MYO1H: variants seen among roughly 807,000 people sequenced by gnomAD.
MYO1H encodes the protein unconventional myosin-Ih.
In MYO1H, 118 loss-of-function variants were observed where a neutral mutation model predicts 149.3. The observed-to-expected ratio is 0.79, with a 90% CI of 0.68 to 0.92. The LOEUF is 0.92. MYO1H is among the 40% of genes least tolerant of loss of function. The pLI is 0.00. For synonymous variants in MYO1H, 447 were observed against 465.2 expected (o/e 0.96, Z 0.50); for missense variants, 1,212 against 1,280.7 (o/e 0.95, Z 0.82).
chr12:109,359,815 A>T (rs1868700486), intron 1 of MYO1H, among the ~76,000 whole-genome samples: 1 of 152,218 alleles, frequency 6.6e-6, no homozygotes, highest in African/African-American at 2.4e-5. Context: ...CCCAAATGGG[A>T]ATCAAAGGGC....
intron 19 of MYO1H, among the ~76,000 whole-genome samples, chr12:109,430,474 CTG>C (rs138379402): frequency 0.012 from 1,772 of 152,272 alleles, 45 homozygotes; most frequent in African/African-American, 0.041. Context: ...GGGCCTGAGG[CTG>C]TGCTGTGTCC....
intron 1 of MYO1H, among the ~76,000 whole-genome samples, chr12:109,355,195 G>C (rs912050332): frequency 6.6e-6 from 1 of 152,048 alleles, no homozygotes; most frequent in Non-Finnish European, 1.5e-5. Flanking sequence ...GTGTTTGGTG[G>C]AGTTTTCTGT....
chr12:109,396,751 T>A lies in MYO1H; in HGVS notation c.489+169T>A, dbSNP rs557751184. Among the ~76,000 whole-genome samples, 79 of 151,710 alleles carry A rather than the reference T, an allele frequency of 5.2e-4. 1 individual carries two copies. Among genetic ancestry groups the A allele is most frequent in the African/African-American group, 1.8e-3 (73 of 41,416 alleles). ...ACCTGGAACTAAGCCCATTTCCCCA[T>A]TTGTTGAATGGGTCTGCTTATAGTA... On this transcript the variant is annotated intron_variant, in intron 4 of 31. Coordinates refer to ENST00000310903, the Ensembl canonical transcript of MYO1H.
At chr12:109,330,419 T>C in the MYO1H span, among the ~76,000 whole-genome samples, 1 of 152,220 alleles carries the variant, frequency 6.6e-6, no homozygotes. Context: ...ACGATGTATA[T>C]CTGAATGTGC....
chr12:109,406,466 TTAAA>T lies in MYO1H; in HGVS notation c.964-322_964-319del, dbSNP rs1318956577. 6.0e-4 allele frequency among the ~76,000 whole-genome samples: 61 copies of T among 101,718 alleles called. 2 individuals are homozygous for T. Among genetic ancestry groups the T allele is most frequent in the African/African-American group, 1.5e-3 (43 of 28,602 alleles). The allele number at this position is 101,718 out of a possible 152,430, so 66.7% of individuals were successfully genotyped here. On this transcript the variant is annotated intron_variant, in intron 8 of 31. Transcript: ENST00000310903. ...GGGCAACATAGTGAGACCCTATCTC[TTAAA>T]AAAAAAAAAAAAAAAAAAAAAAAAA...
chr12:109,418,719 A>AT (rs1017787466), intron 15 of MYO1H, among the ~76,000 whole-genome samples: 1 of 150,986 alleles, frequency 6.6e-6, no homozygotes, highest in African/African-American at 2.4e-5. Flanking sequence ...AGTTTTTTGT[A>AT]TTTTTTAGTA....
chr12:109,446,071 T>C (rs1294056462), intron 31 of MYO1H: 1 of 985,130 alleles, frequency 1.0e-6, no homozygotes, highest in African/African-American at 1.7e-5. Context: ...GAAAGAAATG[T>C]GTAAAAAATA....
chr12:109,424,861 T>C lies in MYO1H; in HGVS notation c.1725+33T>C, dbSNP rs772483948. On this transcript the variant is annotated intron_variant, in intron 17 of 31. Coordinates refer to ENST00000310903, the Ensembl canonical transcript of MYO1H. ...GGAAAAACACCCATGCAAAATTGGATCTCACCAGAGGGTGAGATGACCACC... is the reference window on the plus strand; with the variant it reads ...GGAAAAACACCCATGCAAAATTGGACCTCACCAGAGGGTGAGATGACCACC... 2.5e-6 allele frequency: 4 copies of C among 1,582,360 alleles called. No individual in the cohort carries two copies. In the South Asian group the frequency reaches 3.3e-5, roughly 13 times the overall value.
At chr12:109,431,162 G>A (rs547571346) in intron 19 of MYO1H, among the ~76,000 whole-genome samples, 1 of 151,954 alleles carries the variant, frequency 6.6e-6, no homozygotes, top group African/African-American at 2.4e-5. Flanking sequence ...GGTGGATCAC[G>A]AGGCCAGGAG....
intron 21 of MYO1H, 87 bp from the exon 22 acceptor site, chr12:109,436,401 A>G (rs1592818307): frequency 2.2e-6 from 2 of 900,728 alleles, no homozygotes; most frequent in Middle Eastern, 4.3e-4. Context: ...GCCCCCTTCC[A>G]TCGGCCCCCA....
At chr12:109,313,881 G>T in the MYO1H span, among the ~76,000 whole-genome samples, 1 of 152,012 alleles carries the variant, frequency 6.6e-6, no homozygotes, top group African/African-American at 2.4e-5. Flanking sequence ...TTTCTTTGGA[G>T]TTTTTTGTTT....
chr12:109,427,172 C>T (rs1871383559), intron 18 of MYO1H, among the ~76,000 whole-genome samples: 1 of 151,858 alleles, frequency 6.6e-6, no homozygotes, highest in East Asian at 1.9e-4. Flanking sequence ...AAAAATTAGC[C>T]AGGCATGGTG....
At chr12:109,360,403 G>A (rs140787598) in intron 1 of MYO1H, among the ~76,000 whole-genome samples, 1 of 152,208 alleles carries the variant, frequency 6.6e-6, no homozygotes, top group Non-Finnish European at 1.5e-5. Flanking sequence ...CCAATTAGGC[G>A]ACCACTATAG....
At chr12:109,446,143 C>G (rs1483564516) in intron 31 of MYO1H, 7 of 985,272 alleles carry the variant, frequency 7.1e-6, no homozygotes, top group Non-Finnish European at 7.2e-6. Context: ...ATGTTAATAC[C>G]TTTGGTATAA....
At chr12:109,435,045 T>C (rs1226220999) in exon 21 of MYO1H, 1 of 1,606,884 alleles carries the variant, frequency 6.2e-7, no homozygotes, top group East Asian at 2.2e-5. Context: ...AGAACCAAAA[T>C]ATTCATTCGT....
intron 6 of MYO1H, among the ~76,000 whole-genome samples, chr12:109,402,292 A>AT (rs898531190): frequency 1.6e-4 from 24 of 152,010 alleles, no homozygotes; most frequent in African/African-American, 5.3e-4. Context: ...TAGTCCCAAC[A>AT]TTTTTTTTAT....
At chr12:109,403,497 T>C (rs527647081) in intron 6 of MYO1H, among the ~76,000 whole-genome samples, 1 of 152,354 alleles carries the variant, frequency 6.6e-6, no homozygotes, top group South Asian at 2.1e-4. Context: ...CTTGTGATCA[T>C]TTTCACAAAA....
At chr12:109,444,264 C>G in exon 29 of MYO1H, 1 of 1,613,756 alleles carries the variant, frequency 6.2e-7, no homozygotes, top group Non-Finnish European at 8.5e-7. Context: ...CATGTTTCAC[C>G]AGAGGACAGC....
the MYO1H span, among the ~76,000 whole-genome samples, chr12:109,320,455 CAAAAAAA>C: frequency 2.8e-4 from 18 of 63,340 alleles, no homozygotes; most frequent in South Asian, 1.6e-3. Flanking sequence ...ATTAAAAATA[CAAAAAAA>C]AAAAAAAAAA....
Sources: gnomAD v4.1 joint callset for allele counts (sites outside exome capture counted in the v4.1 genomes callset) on GRCh38, gnomAD v4.1.1 for gene constraint, MANE v1.5 for transcripts, NCBI Gene and HGNC (gene_info 2026-07-23, HGNC 2026-07-21) for gene names.